The following CCER2 variants were observed in gnomAD, a reference collection of about 807,000 sequenced individuals.
CCER2 encodes the protein coiled-coil glutamate rich protein 2.
CCER2 carries 20 observed loss-of-function variants against 27.1 expected under a neutral mutation model. That is an observed-to-expected ratio of 0.74 (90% CI 0.52 to 1.07). The LOEUF (loss-of-function observed/expected upper bound fraction) is 1.07. CCER2 is among the 50% of genes least tolerant of loss of function. The pLI is 0.00. For missense variants in CCER2, 351 were observed against 344.7 expected (o/e 1.02, Z -0.14); for synonymous variants, 140 against 144.3 (o/e 0.97, Z 0.21).
chr19:38,910,973 T>C lies in CCER2; in HGVS notation c.301A>G (p.Arg101Gly). The change falls in exon 4 of 5, where the codon AGG (arginine) becomes GGG (glycine). Residue 101 changes from arginine (R) to glycine (G), a missense_variant. Arg to Gly is a moderately radical substitution (Grantham distance 125). Transcript: ENST00000571838. ...GCTACCTCCTCCTCTTCCTCATCCC[T>C]CACCTCCTGGCTGGACCTCATCTTC... ...AGKMRSSQEV[R>G]DEEEEEVAER... is the part of the protein sequence containing the mutation. 6.6e-7 allele frequency: 1 copy of C among 1,518,504 alleles called. No homozygotes were observed. The highest frequency in any genetic ancestry group is 8.8e-7 in the Non-Finnish European group (1 of 1,138,460). 94.1% of individuals were successfully genotyped at this position (1,518,504 alleles called of 1,614,324 possible).
chr19:38,909,766 G>T (rs1974266016), intron 4 of CCER2, among the ~76,000 whole-genome samples: 1 of 151,872 alleles, frequency 6.6e-6, no homozygotes. Flanking sequence ...TAGAGACAGG[G>T]TTTCACCATG....
chr19:38,909,333 G>T lies in CCER2; in HGVS notation c.712-8C>A. 2 of 1,535,288 alleles carry T rather than the reference G, an allele frequency of 1.3e-6. No individual in the cohort carries two copies. The highest frequency in any genetic ancestry group is 4.9e-5 in the East Asian group (2 of 40,910). ...CTGCTCCACCTCCTTTTCCTGGTGGGGTCAGAAACGGGGTAGTCAGCACCC... is the reference window on the plus strand; with the variant it reads ...CTGCTCCACCTCCTTTTCCTGGTGGTGTCAGAAACGGGGTAGTCAGCACCC... On this transcript the variant is annotated splice_region_variant and splice_polypyrimidine_tract_variant and intron_variant, in intron 4 of 4. Transcript: ENST00000571838.
chr19:38,911,181 G>A lies in CCER2; in HGVS notation c.191-98C>T, dbSNP rs190313343. 532 of 1,244,576 alleles carry A rather than the reference G, an allele frequency of 4.3e-4. 1 individual carries two copies. The highest frequency in any genetic ancestry group is 1.8e-3 in the Middle Eastern group (9 of 5,088). 77.1% of individuals were successfully genotyped at this position (1,244,576 alleles called of 1,614,324 possible). A position where few individuals can be genotyped will look rare whatever the true frequency, so the allele number is the denominator to read the frequency against. On this transcript the variant is annotated intron_variant, in intron 3 of 4. Coordinates refer to ENST00000571838, the MANE Select transcript of CCER2 (RefSeq NM_001243212.2). Reference sequence around the variant, plus strand: ...TGTAATCTCAGCACTTTGGGAGGCCGTGGCGGCCGATCACCTGAGGTCAGG... The same window carrying A: ...TGTAATCTCAGCACTTTGGGAGGCCATGGCGGCCGATCACCTGAGGTCAGG...
rs1376171476 is a variant in CCER2 at position 38,911,530 on chromosome 19, G to A, written c.190+36C>T. 4 of 1,513,136 alleles carry A rather than the reference G, an allele frequency of 2.6e-6. No homozygotes were observed. In the South Asian group the frequency reaches 3.6e-5, roughly 14 times the overall value. The allele number at this position is 1,513,136 out of a possible 1,614,324, so 93.7% of individuals were successfully genotyped here. ...GTGGGGTAGGGTAGGGTCCCATGGGGTTGTGGAGGGCAAGTGGGGCCCGGG... is the reference window on the plus strand; with the variant it reads ...GTGGGGTAGGGTAGGGTCCCATGGGATTGTGGAGGGCAAGTGGGGCCCGGG... On this transcript the variant is annotated intron_variant, in intron 3 of 4. Transcript: ENST00000571838.
At chr19:38,911,978 C>T in intron 1 of CCER2, 120 bp downstream of exon 1, 1 of 1,475,176 alleles carries the variant, frequency 6.8e-7, no homozygotes, top group Admixed American at 2.1e-5. Flanking sequence ...GGTGTACTGT[C>T]CCCCGCTGGA....
chr19:38,910,557 A>G lies in CCER2; in HGVS notation c.711+6T>C. The stretch of plus-strand genomic sequence containing the variant: ...GTTGGTGTTCCTCCTTCATCCCCCT[A>G]CTCACCTCCCTCTCCGAAGCCTCCT... On this transcript the variant is annotated splice_donor_region_variant and intron_variant, in intron 4 of 4. Transcript: ENST00000571838. The G allele has an allele frequency of 6.8e-7, 1 of 1,466,780 alleles. No homozygotes were observed. The highest frequency in any genetic ancestry group is 2.3e-5 in the Admixed American group (1 of 42,720). 90.9% of individuals were successfully genotyped at this position (1,466,780 alleles called of 1,614,324 possible).
At chr19:38,911,171 T>C (rs1974301308) in intron 3 of CCER2, 88 bp from the exon 4 acceptor site, 4 of 1,318,828 alleles carry the variant, frequency 3.0e-6, no homozygotes, top group Non-Finnish European at 3.0e-6. Context: ...TCTCAGCACT[T>C]TGGGAGGCCG....
chr19:38,910,737 G>A lies in CCER2; in HGVS notation c.537C>T (p.Ala179=), dbSNP rs1159850732. 6.5e-7 allele frequency: 1 copy of A among 1,533,452 alleles called. No individual in the cohort carries two copies. The highest frequency in any genetic ancestry group is 8.7e-7 in the Non-Finnish European group (1 of 1,145,718). The allele number at this position is 1,533,452 out of a possible 1,614,324, so 95.0% of individuals were successfully genotyped here. A position where few individuals can be genotyped will look rare whatever the true frequency, so the allele number is the denominator to read the frequency against. ...CCCCCTTCTCCTCTGCCTGGAACTG[G>A]GCCGTCTCTTTGTCACTGGCCTTCT... ...VAEKASDKET[A]QFQAEEKGVR... The change falls in exon 4 of 5, where the codon GCC becomes GCT. Residue 179 remains alanine (A), a synonymous_variant. Coordinates refer to ENST00000571838, the MANE Select transcript of CCER2 (RefSeq NM_001243212.2).
At chr19:38,910,516 C>A in intron 4 of CCER2, 47 bp downstream of exon 4, 6 of 1,436,066 alleles carry the variant, frequency 4.2e-6, no homozygotes, top group Non-Finnish European at 5.5e-6. Flanking sequence ...CATCATCAAC[C>A]CTGCCTCCAA....
intron 4 of CCER2, among the ~76,000 whole-genome samples, chr19:38,909,874 AT>A (rs59235252): frequency 0.64 from 88,774 of 137,706 alleles, 28,431 homozygotes; most frequent in East Asian, 0.95. Flanking sequence ...ATGCCCAGCC[AT>A]TTTTTTTTTT....
At position 38,910,969 on chromosome 19, in the gene CCER2, T is replaced by TC; in HGVS notation, c.304dup (p.Asp102GlyfsTer2). 3.3e-6 allele frequency: 5 copies of TC among 1,518,610 alleles called. No individual in the cohort carries two copies. The highest frequency in any genetic ancestry group is 4.4e-6 in the Non-Finnish European group (5 of 1,138,462). 94.1% of individuals were successfully genotyped at this position (1,518,610 alleles called of 1,614,324 possible). A position where few individuals can be genotyped will look rare whatever the true frequency, so the allele number is the denominator to read the frequency against. ...CTCTGCTACCTCCTCCTCTTCCTCA[T>TC]CCCTCACCTCCTGGCTGGACCTCAT... On this transcript the variant is annotated frameshift_variant, in exon 4 of 5. Transcript: ENST00000571838. LOFTEE classifies it high-confidence loss of function.
chr19:38,910,111 G>T (rs1244831010), intron 4 of CCER2, among the ~76,000 whole-genome samples: 1 of 152,124 alleles, frequency 6.6e-6, no homozygotes, highest in Non-Finnish European at 1.5e-5. Flanking sequence ...GGCCTCAAGG[G>T]ATTCTCCCAC....
At chr19:38,911,321 T>C (rs1974304321) in intron 3 of CCER2, among the ~76,000 whole-genome samples, 1 of 152,166 alleles carries the variant, frequency 6.6e-6, no homozygotes, top group Non-Finnish European at 1.5e-5. Flanking sequence ...TGGGAGGGGA[T>C]GTTCCCTGCC....
Position 38,912,078 on chromosome 19 carries a change from T to G in CCER2, c.61+20A>C. 6.6e-7 allele frequency: 1 copy of G among 1,525,156 alleles called. No individual in the cohort carries two copies. The highest frequency in any genetic ancestry group is 8.8e-7 in the Non-Finnish European group (1 of 1,142,670). The allele number at this position is 1,525,156 out of a possible 1,614,324, so 94.5% of individuals were successfully genotyped here. ...CCCCGGCCCCTGGCAGGTCCCGCACTCGGCAGGTCCCGCACTCACCCGCCC... is the reference window on the plus strand; with the variant it reads ...CCCCGGCCCCTGGCAGGTCCCGCACGCGGCAGGTCCCGCACTCACCCGCCC... On this transcript the variant is annotated intron_variant, in intron 1 of 4. Transcript: ENST00000571838.
Position 38,912,148 on chromosome 19 carries a change from C to T in CCER2, c.11G>A (p.Arg4Gln), listed in dbSNP as rs981616631. 3.1e-5 allele frequency: 47 copies of T among 1,495,666 alleles called. No individual in the cohort carries two copies. The highest frequency in any genetic ancestry group is 4.0e-5 in the Non-Finnish European group (45 of 1,129,762). 92.6% of individuals were successfully genotyped at this position (1,495,666 alleles called of 1,614,324 possible). A position where few individuals can be genotyped will look rare whatever the true frequency, so the allele number is the denominator to read the frequency against. Residue 4 changes from arginine (R) to glutamine (Q), a missense_variant, in exon 1 of 5, where the codon CGA becomes CAA. Arg to Gln is a conservative substitution (Grantham distance 43). Coordinates refer to ENST00000571838, the MANE Select transcript of CCER2 (RefSeq NM_001243212.2). ...CAGCAGCAGCTCAGAGGCTGGCCCT[C>T]GGGGCGGCATGGTGGGCGTCCAACG... MPP[R>Q]GPASELLLLR...
intron 2 of CCER2, 22 bp from the exon 3 acceptor site, chr19:38,911,675 T>G: frequency 6.5e-7 from 1 of 1,534,498 alleles, no homozygotes. Flanking sequence ...GGGTGCCGGG[T>G]CAGAGGGGAG....
chr19:38,911,913 C>T, intron 1 of CCER2, 61 bp from the exon 2 acceptor site: 1 of 1,527,424 alleles, frequency 6.5e-7, no homozygotes, highest in Non-Finnish European at 8.8e-7. Context: ...CGGTACCGAC[C>T]CCAGCTCCAT....
At position 38,909,276 on chromosome 19, in the gene CCER2, A is replaced by G; in HGVS notation, c.761T>C (p.Val254Ala). The G allele has an allele frequency of 6.5e-7, 1 of 1,535,274 alleles. No individual in the cohort carries two copies. Among genetic ancestry groups the G allele is most frequent in the Non-Finnish European group, 8.7e-7 (1 of 1,146,678 alleles). ...LEHLRDELKK[V>A]TETLGEQLRR... ...GAGCTGCTCCCCCAGCGTCTCTGTC[A>G]CCTTCTTCAGTTCGTCTCTCAAGTG... The change falls in exon 5 of 5, where the codon GTG becomes GCG. Residue 254 changes from valine to alanine, a missense_variant. By Grantham distance (64) the Val-to-Ala change is moderately conservative (BLOSUM62 0). Transcript: ENST00000571838.
intron 3 of CCER2, 40 bp downstream of exon 3, chr19:38,911,526 T>G: frequency 2.0e-6 from 3 of 1,494,116 alleles, no homozygotes; most frequent in Non-Finnish European, 2.7e-6. Flanking sequence ...TAGGGTCCCA[T>G]GGGGTTGTGG....
Sources: gnomAD v4.1 joint callset for allele counts (sites outside exome capture counted in the v4.1 genomes callset) on GRCh38, gnomAD v4.1.1 for gene constraint, MANE v1.5 for transcripts, NCBI Gene and HGNC (gene_info 2026-07-23, HGNC 2026-07-21) for gene names.